The following MLANA variants were observed in gnomAD, a reference collection of about 807,000 sequenced individuals.
MLANA encodes the protein melan-A, also known as melanoma antigen recognized by T-cells 1.
MLANA carries 21 observed loss-of-function variants against 15.7 expected under a neutral mutation model. The observed-to-expected ratio is 1.33, with a 90% CI of 0.95 to 1.92. MLANA has a LOEUF of 1.92. Among genes scored for constraint, MLANA ranks in the 40% most tolerant of loss-of-function variants. MLANA has a pLI of 0.00. For synonymous variants in MLANA, 56 were observed against 51.5 expected (o/e 1.09, Z -0.37); for missense variants, 164 against 143.8 (o/e 1.14, Z -0.72).
intron 2 of MLANA, among the ~76,000 whole-genome samples, chr9:5,895,298 A>C (rs73395366): frequency 6.6e-6 from 1 of 152,138 alleles, no homozygotes; most frequent in South Asian, 2.1e-4. Flanking sequence ...CCAATGTCAA[A>C]AGTCATTCCT....
In MLANA at chr9:5,909,454, C is replaced by G. The variant is rs1833029560; in HGVS notation, c.*746C>G. ...TGTAGTTTTAGTAGAGACGGGGTTTCTCCATGTTGGTCAGGCTGGTCTCAA... is the reference window on the plus strand; with the variant it reads ...TGTAGTTTTAGTAGAGACGGGGTTTGTCCATGTTGGTCAGGCTGGTCTCAA... On this transcript the variant is annotated 3_prime_UTR_variant, in exon 5 of 5. Coordinates refer to ENST00000381477, the MANE Select transcript of MLANA (RefSeq NM_005511.2). The G allele has an allele frequency of 6.6e-6, 1 of 152,200 alleles. No homozygotes were observed. Among genetic ancestry groups the G allele is most frequent in the African/African-American group, 2.4e-5 (1 of 41,440 alleles). The allele number at this position is 152,200 out of a possible 1,614,324, so 9.4% of individuals were successfully genotyped here.
At position 5,909,782 on chromosome 9, in the gene MLANA, C is replaced by A. The variant is rs1472342243; in HGVS notation, c.*1074C>A. 6.6e-6 allele frequency: 1 copy of A among 152,190 alleles called. No homozygotes were observed. The highest frequency in any genetic ancestry group is 6.5e-5 in the Admixed American group (1 of 15,288). 9.4% of individuals were successfully genotyped at this position (152,190 alleles called of 1,614,324 possible). ...CTCTTGGGTTCCCAAATCCCTCTCA[C>A]AAGAATGTGCAGAAGAAATCATAAA... is the stretch of plus-strand genomic sequence containing the variant. On this transcript the variant is annotated 3_prime_UTR_variant, in exon 5 of 5. Coordinates refer to ENST00000381477, the MANE Select transcript of MLANA (RefSeq NM_005511.2).
chr9:5,892,653 T>C, intron 2 of MLANA, 102 bp downstream of exon 2: 3 of 893,992 alleles, frequency 3.4e-6, no homozygotes, highest in Non-Finnish European at 5.1e-6. Flanking sequence ...CTCCCTAGTG[T>C]TTATCTCCCC....
intron 1 of MLANA, 56 bp from the exon 2 acceptor site, chr9:5,892,394 T>C: frequency 7.7e-7 from 1 of 1,292,940 alleles, no homozygotes; most frequent in East Asian, 2.4e-5. Context: ...CTTTATGAGA[T>C]GATGAATAGG....
intron 2 of MLANA, 49 bp from the exon 3 acceptor site, chr9:5,897,508 T>TAG: frequency 6.6e-7 from 1 of 1,505,616 alleles, no homozygotes; most frequent in Non-Finnish European, 9.2e-7. Flanking sequence ...CATCATAATG[T>TAG]AGAACAATGT....
chr9:5,905,429 C>T (rs1832737124), intron 3 of MLANA, among the ~76,000 whole-genome samples: 1 of 152,206 alleles, frequency 6.6e-6, no homozygotes, highest in Non-Finnish European at 1.5e-5. Context: ...ACAGAATGAA[C>T]TCTTTGTGGC....
intron 3 of MLANA, among the ~76,000 whole-genome samples, chr9:5,905,884 C>A (rs1003167686): frequency 1.3e-5 from 2 of 152,200 alleles, no homozygotes; most frequent in African/African-American, 4.8e-5. Context: ...TCATTCATAT[C>A]GGCACAGAAT....
At chr9:5,895,887 G>C (rs1831982550) in intron 2 of MLANA, among the ~76,000 whole-genome samples, 1 of 152,254 alleles carries the variant, frequency 6.6e-6, no homozygotes, top group South Asian at 2.1e-4. Context: ...ACGTGACCAT[G>C]CATAAAGTGC....
At chr9:5,905,818 C>T in intron 3 of MLANA, among the ~76,000 whole-genome samples, 1 of 152,162 alleles carries the variant, frequency 6.6e-6, no homozygotes, top group East Asian at 1.9e-4. Flanking sequence ...AATCATAACC[C>T]AACCACCTCA....
chr9:5,903,298 C>T (rs1465824400), intron 3 of MLANA, among the ~76,000 whole-genome samples: 1 of 152,060 alleles, frequency 6.6e-6, no homozygotes, highest in Admixed American at 6.6e-5. Flanking sequence ...ATTCTGTTGT[C>T]GTTGGATGAA....
chr9:5,895,399 T>C (rs372804830), intron 2 of MLANA, among the ~76,000 whole-genome samples: 2 of 151,846 alleles, frequency 1.3e-5, no homozygotes, highest in Admixed American at 6.5e-5. Context: ...TTTTTTTTAA[T>C]TTTTTTGCAT....
At chr9:5,906,015 T>C (rs1832779609) in intron 3 of MLANA, among the ~76,000 whole-genome samples, 2 of 152,312 alleles carry the variant, frequency 1.3e-5, no homozygotes, top group South Asian at 4.1e-4. Context: ...TTGTTGCTAT[T>C]ATTCATTTTT....
chr9:5,890,959 A>G (rs972836594), intron 1 of MLANA, 23 bp downstream of exon 1: 1 of 152,182 alleles, frequency 6.6e-6, no homozygotes, highest in African/African-American at 2.4e-5. Context: ...CCTTCTCGCC[A>G]TAATCATAGT....
intron 3 of MLANA, chr9:5,899,115 G>A (rs1053347635): frequency 6.6e-6 from 1 of 152,156 alleles, no homozygotes; most frequent in Non-Finnish European, 1.5e-5. Context: ...ATTCTCCATA[G>A]ATCTCGCTGT....
rs957497266 is a variant in MLANA at position 5,908,957 on chromosome 9, A to C, written c.*249A>C. The C allele has an allele frequency of 2.8e-5, 12 of 429,660 alleles. No homozygotes were observed. Among genetic ancestry groups the C allele is most frequent in the African/African-American group, 2.3e-4 (11 of 48,878 alleles). 26.6% of individuals were successfully genotyped at this position (429,660 alleles called of 1,614,324 possible). A position where few individuals can be genotyped will look rare whatever the true frequency, so the allele number is the denominator to read the frequency against. On this transcript the variant is annotated 3_prime_UTR_variant, in exon 5 of 5. Transcript: ENST00000381477. Reference sequence around the variant, plus strand: ...CAATGCATGATACTATCTGTGCCAGAGGTAATGTTAGTAAATCCATGGTGT... The same window carrying C: ...CAATGCATGATACTATCTGTGCCAGCGGTAATGTTAGTAAATCCATGGTGT...
chr9:5,903,075 C>T (rs564280239), intron 3 of MLANA, among the ~76,000 whole-genome samples: 17 of 152,170 alleles, frequency 1.1e-4, no homozygotes, highest in African/African-American at 4.1e-4. Context: ...GAGATTTCTC[C>T]TTTGACTCAT....
At position 5,902,121 on chromosome 9, in the gene MLANA, C is replaced by T. The variant is rs539693383; in HGVS notation, c.174+4468C>T. On this transcript the variant is annotated intron_variant, in intron 3 of 4. Coordinates refer to ENST00000381477, the MANE Select transcript of MLANA (RefSeq NM_005511.2). ...CTTAAATGTTTGGTAGAACTCACCA[C>T]TGAACTCATCTGGGTCTGGTGCTTT... 3.3e-5 allele frequency among the ~76,000 whole-genome samples: 5 copies of T among 152,314 alleles called. 1 individual carries two copies. In the South Asian group the frequency reaches 1.0e-3, roughly 32 times the overall value.
intron 2 of MLANA, among the ~76,000 whole-genome samples, chr9:5,893,131 TGA>T (rs1032235796): frequency 6.6e-6 from 1 of 152,220 alleles, no homozygotes; most frequent in African/African-American, 2.4e-5. Context: ...TATACTGGCG[TGA>T]GACACTGTTT....
intron 2 of MLANA, among the ~76,000 whole-genome samples, chr9:5,896,457 G>A (rs1021245961): frequency 3.9e-5 from 6 of 152,318 alleles, no homozygotes; most frequent in African/African-American, 1.4e-4. Flanking sequence ...GAGACGGACA[G>A]GATAAGCTTG....
Sources: allele counts gnomAD v4.1 joint callset (sites outside exome capture counted in the v4.1 genomes callset), GRCh38; gene constraint gnomAD v4.1.1; transcripts MANE v1.5; gene names NCBI Gene and HGNC (gene_info 2026-07-23, HGNC 2026-07-21).